PTPRM: variants seen among roughly 807,000 people sequenced by gnomAD.
The protein encoded by PTPRM is receptor-type tyrosine-protein phosphatase mu.
A neutral mutation model predicts 186.7 loss-of-function variants in PTPRM; 47 were observed. The observed-to-expected ratio is 0.25, with a 90% CI of 0.20 to 0.32. The LOEUF is 0.32. PTPRM is among the 10% of genes least tolerant of loss of function. The pLI, the probability that PTPRM is intolerant of heterozygous loss-of-function variation, is 1.00. For synonymous variants in PTPRM, 668 were observed against 674.9 expected (o/e 0.99, Z 0.16); for missense variants, 1,494 against 1,865.0 (o/e 0.80, Z 3.66).
intron 13 of PTPRM, among the ~76,000 whole-genome samples, chr18:8,126,027 A>ATATTTTTTTTTTTTTT (rs57751538): frequency 1.4e-5 from 1 of 69,542 alleles, no homozygotes; most frequent in Non-Finnish European, 2.8e-5. Context: ...ATATATATAT[A>ATATTTTTTTTTTTTTT]TTTTAAATCA....
chr18:8,291,853 CAAA>C (rs59979399), intron 19 of PTPRM, among the ~76,000 whole-genome samples: 1 of 107,710 alleles, frequency 9.3e-6, no homozygotes, highest in African/African-American at 3.5e-5. Flanking sequence ...CATGGTCTTC[CAAA>C]AAAAAAAAAA....
At chr18:7,694,992 C>T (rs2039813515) in intron 1 of PTPRM, among the ~76,000 whole-genome samples, 1 of 152,104 alleles carries the variant, frequency 6.6e-6, no homozygotes, top group South Asian at 2.1e-4. Flanking sequence ...CCATTTAATC[C>T]TGACAGTCGC....
intron 2 of PTPRM, among the ~76,000 whole-genome samples, chr18:7,843,135 A>G (rs907635079): frequency 6.6e-6 from 1 of 152,036 alleles, no homozygotes; most frequent in Non-Finnish European, 1.5e-5. Context: ...CTAAAGTCAC[A>G]CAGCTTATAA....
intron 7 of PTPRM, among the ~76,000 whole-genome samples, chr18:7,989,173 G>A (rs1040194136): frequency 1.3e-5 from 2 of 151,706 alleles, no homozygotes; most frequent in African/African-American, 4.8e-5. Context: ...TGAGAGAGCA[G>A]CAATGTTGAT....
At position 8,212,671 on chromosome 18, in the gene PTPRM, A is replaced by C. The variant is rs114956524; in HGVS notation, c.2301-31387A>C. ...AAATTTTTTTAATTAGCTGAGTGTG[A>C]TGGTGCATGCCTGTAGTCCCAGCTA... On this transcript the variant is annotated intron_variant, in intron 14 of 32. Transcript: ENST00000580170. Among the ~76,000 whole-genome samples the C allele has an allele frequency of 7.6e-3, 1,160 of 152,118 alleles. 17 individuals are homozygous for C. Among genetic ancestry groups the C allele is most frequent in the African/African-American group, 0.027 (1,106 of 41,510 alleles).
rs200819670 is a variant in PTPRM at position 8,402,042 on chromosome 18, A to G, written c.4345-4067A>G. ...TTGGAGCACTCAGGACCAAGGCCTA[A>G]ACATTCCTTTTTCCCCTGGAGCACA... On this transcript the variant is annotated intron_variant, in intron 32 of 32. Transcript: ENST00000580170. Among the ~76,000 whole-genome samples, 9 of 152,324 alleles carry G rather than the reference A, an allele frequency of 5.9e-5. No individual in the cohort carries two copies. In the East Asian group the frequency reaches 1.7e-3, roughly 29 times the overall value.
At chr18:7,772,475 TTCCTTCCTTCCTTC>T (rs1362806757) in intron 1 of PTPRM, among the ~76,000 whole-genome samples, 1 of 141,898 alleles carries the variant, frequency 7.0e-6, no homozygotes, top group Non-Finnish European at 1.5e-5. Context: ...CCTTCCTTCC[TTCCTTCCTTCCTTC>T]CTTCCTTCCT....
intron 14 of PTPRM, among the ~76,000 whole-genome samples, chr18:8,216,182 G>A (rs893177460): frequency 3.3e-5 from 5 of 151,664 alleles, no homozygotes; most frequent in African/African-American, 1.2e-4. Flanking sequence ...TTCTAACCCC[G>A]GTTCTCTCTC....
intron 7 of PTPRM, among the ~76,000 whole-genome samples, chr18:8,026,175 C>T (rs2085560886): frequency 6.6e-6 from 1 of 152,204 alleles, no homozygotes. Context: ...CGGGATTTCT[C>T]AGCTTACCTC....
chr18:7,833,323 T>A (rs544708716), intron 2 of PTPRM, among the ~76,000 whole-genome samples: 42 of 152,208 alleles, frequency 2.8e-4, no homozygotes, highest in Non-Finnish European at 5.6e-4. Flanking sequence ...ATTGTAGAGA[T>A]CTTTCACTTT....
intron 7 of PTPRM, among the ~76,000 whole-genome samples, chr18:7,961,844 A>G (rs547544713): frequency 1.3e-5 from 2 of 152,322 alleles, no homozygotes; most frequent in South Asian, 4.1e-4. Context: ...GTGAGTTTTA[A>G]TATCTGTCTG....
In PTPRM at chr18:7,722,896, A is replaced by G. The variant is rs549476862; in HGVS notation, c.74-51253A>G. On this transcript the variant is annotated intron_variant, in intron 1 of 32. Coordinates refer to ENST00000580170, the MANE Select transcript of PTPRM (RefSeq NM_001105244.2). Reference sequence around the variant, plus strand: ...TGAGAAGGTGTTCAAGTTCACTTATAATAGGAGAAATGCAAATTAGAATGG... The same window carrying G: ...TGAGAAGGTGTTCAAGTTCACTTATGATAGGAGAAATGCAAATTAGAATGG... Among the ~76,000 whole-genome samples the G allele has an allele frequency of 9.8e-5, 15 of 152,356 alleles. No homozygotes were observed. The East Asian group carries it at 2.7e-3, about 27-fold the overall frequency.
At chr18:8,087,249 A>C (rs1246036125) in intron 10 of PTPRM, among the ~76,000 whole-genome samples, 1 of 152,170 alleles carries the variant, frequency 6.6e-6, no homozygotes, top group East Asian at 1.9e-4. Flanking sequence ...TTACACTACA[A>C]AGATTATTGT....
At chr18:7,829,430 C>T (rs939965878) in intron 2 of PTPRM, among the ~76,000 whole-genome samples, 2 of 152,044 alleles carry the variant, frequency 1.3e-5, no homozygotes, top group Admixed American at 6.6e-5. Context: ...AGATGGGTGG[C>T]CAAAACTAGA....
At chr18:7,858,272 C>A (rs900763440) in intron 2 of PTPRM, among the ~76,000 whole-genome samples, 2 of 152,056 alleles carry the variant, frequency 1.3e-5, no homozygotes, top group Non-Finnish European at 2.9e-5. Flanking sequence ...AAAGTAAGTT[C>A]TGGGCTGGGT....
intron 27 of PTPRM, among the ~76,000 whole-genome samples, chr18:8,378,935 C>T (rs1310758856): frequency 6.6e-6 from 1 of 152,152 alleles, no homozygotes; most frequent in Non-Finnish European, 1.5e-5. Context: ...TCTAGGGACC[C>T]ACAGTGGCCC....
At chr18:8,333,549 A>G (rs990924680) in intron 22 of PTPRM, among the ~76,000 whole-genome samples, 3 of 152,244 alleles carry the variant, frequency 2.0e-5, no homozygotes, top group Non-Finnish European at 2.9e-5. Flanking sequence ...TGAAGGGACA[A>G]CTAGTTCTCT....
chr18:7,960,480 T>TATATACACACACACACACAC (rs1300573371), intron 7 of PTPRM, among the ~76,000 whole-genome samples: 2 of 86,602 alleles, frequency 2.3e-5, no homozygotes, highest in African/African-American at 8.7e-5. Flanking sequence ...TATATATATA[T>TATATACACACACACACACAC]ACACACACAC....
intron 1 of PTPRM, among the ~76,000 whole-genome samples, chr18:7,646,637 C>T (rs778671011): frequency 6.6e-6 from 1 of 152,136 alleles, no homozygotes; most frequent in Non-Finnish European, 1.5e-5. Context: ...CATTTCTCTG[C>T]TCCAGAGCCT....
Sources: gnomAD v4.1 joint callset for allele counts (sites outside exome capture counted in the v4.1 genomes callset) on GRCh38, gnomAD v4.1.1 for gene constraint, MANE v1.5 for transcripts, NCBI Gene and HGNC (gene_info 2026-07-23, HGNC 2026-07-21) for gene names.